KIF24: variants seen among roughly 807,000 people sequenced by gnomAD.
KIF24 encodes kinesin-like protein KIF24.
Under a neutral mutation model 118.9 loss-of-function variants are expected in KIF24, and 81 were observed. The observed-to-expected ratio is 0.68, with a 90% confidence interval of 0.57 to 0.82. KIF24 has a LOEUF of 0.82. Ranked by LOEUF, KIF24 falls within the 40% of genes least tolerant of loss-of-function variation. KIF24 has a pLI of 0.00. For missense variants in KIF24, 1,560 were observed against 1,661.6 expected (o/e 0.94, Z 1.06); for synonymous variants, 599 against 610.0 (o/e 0.98, Z 0.27).
At chr9:34,272,036 T>C (rs1053637650) in intron 6 of KIF24, 106 bp from the exon 7 acceptor site, 4 of 995,022 alleles carry the variant, frequency 4.0e-6, no homozygotes, top group Admixed American at 3.0e-5. Flanking sequence ...ATTGTGTCAG[T>C]GCACTGCAGT....
intron 8 of KIF24, 129 bp from the exon 9 acceptor site, chr9:34,263,301 C>A (rs1225441151): frequency 1.4e-6 from 1 of 707,046 alleles, no homozygotes. Flanking sequence ...AAAAGGAAGT[C>A]AAAATGGCCT....
Position 34,280,283 on chromosome 9 carries a change from C to CAAAA in KIF24, c.1215+6330_1215+6333dup, listed in dbSNP as rs56387532. On this transcript the variant is annotated intron_variant, in intron 6 of 12. Coordinates refer to ENST00000402558, the MANE Select transcript of KIF24 (RefSeq NM_194313.4). ...TGGGCGACAGGGCGAGACTCCGTCT[C>CAAAA]AAAAAAAAAAAAAAAAAAAAAAAAA... Among the ~76,000 whole-genome samples the CAAAA allele has an allele frequency of 1.7e-3, 110 of 64,452 alleles. 3 individuals carry two copies. Among genetic ancestry groups the CAAAA allele is most frequent in the African/African-American group, 6.2e-3 (76 of 12,226 alleles). 42.3% of individuals were successfully genotyped at this position (64,452 alleles called of 152,430 possible). A position where few individuals can be genotyped will look rare whatever the true frequency, so the allele number is the denominator to read the frequency against.
intron 5 of KIF24, among the ~76,000 whole-genome samples, chr9:34,288,848 C>CCACAAACACA (rs367822533): frequency 2.2e-5 from 3 of 138,902 alleles, no homozygotes; most frequent in African/African-American, 8.2e-5. Flanking sequence ...CCCAAATAAA[C>CCACAAACACA]CACACACACA....
At chr9:34,319,265 A>T in intron 1 of KIF24, 1 of 1,195,654 alleles carries the variant, frequency 8.4e-7, no homozygotes, top group South Asian at 1.2e-5. Context: ...GTAACCAAAG[A>T]GCAGCTGAAG....
chr9:34,268,819 A>G (rs1835392600), intron 8 of KIF24, among the ~76,000 whole-genome samples: 1 of 152,068 alleles, frequency 6.6e-6, no homozygotes, highest in Non-Finnish European at 1.5e-5. Context: ...GATTTTCTTT[A>G]AAATAATCCA....
intron 4 of KIF24, among the ~76,000 whole-genome samples, chr9:34,296,560 GA>G (rs1836489077): frequency 6.6e-6 from 1 of 151,582 alleles, no homozygotes; most frequent in African/African-American, 2.4e-5. Context: ...ATACATCTAT[GA>G]AAAATTGATA....
intron 7 of KIF24, among the ~76,000 whole-genome samples, chr9:34,271,325 C>CAAAAAAAA (rs58895274): frequency 2.8e-5 from 3 of 107,346 alleles, no homozygotes; most frequent in African/African-American, 4.4e-5. Context: ...AGCAATCCAG[C>CAAAAAAAA]AAAAAAAAAA....
At chr9:34,294,004 C>G (rs1192570105) in intron 4 of KIF24, among the ~76,000 whole-genome samples, 1 of 152,174 alleles carries the variant, frequency 6.6e-6, no homozygotes, top group African/African-American at 2.4e-5. Flanking sequence ...GGGTCTTGCT[C>G]TGTTGCCCAG....
At chr9:34,326,114 T>C (rs1010690991) in intron 1 of KIF24, among the ~76,000 whole-genome samples, 4 of 152,172 alleles carry the variant, frequency 2.6e-5, no homozygotes, top group African/African-American at 9.7e-5. Flanking sequence ...CCCAACACTT[T>C]AGGAGGCTGA....
At chr9:34,315,453 T>C (rs1028150314) in intron 1 of KIF24, among the ~76,000 whole-genome samples, 2 of 152,208 alleles carry the variant, frequency 1.3e-5, no homozygotes, top group Non-Finnish European at 2.9e-5. Context: ...TTATAAATAT[T>C]TGACTAGATT....
intron 6 of KIF24, among the ~76,000 whole-genome samples, chr9:34,277,997 G>A (rs111344001): frequency 3.9e-5 from 6 of 152,066 alleles, no homozygotes; most frequent in African/African-American, 4.8e-5. Context: ...AATTATGGCC[G>A]GGCACAGAGG....
rs1382602472 is a variant in KIF24, at chr9:34,262,665, A to T, written c.1515+436T>A. Among the ~76,000 whole-genome samples the T allele has an allele frequency of 2.3e-3, 95 of 41,302 alleles. 3 individuals carry two copies. The highest frequency in any genetic ancestry group is 2.9e-3 in the South Asian group (3 of 1,040). 27.1% of individuals were successfully genotyped at this position (41,302 alleles called of 152,430 possible). A position where few individuals can be genotyped will look rare whatever the true frequency, so the allele number is the denominator to read the frequency against. Reference sequence around the variant, plus strand: ...CTACCAAAAAAAAAAAAAAAAAAAAAAAAAAAAAAAATATATATATATATA... The same window carrying T: ...CTACCAAAAAAAAAAAAAAAAAAAATAAAAAAAAAAATATATATATATATA... On this transcript the variant is annotated intron_variant, in intron 9 of 12. Transcript: ENST00000402558.
Position 34,257,288 on chromosome 9 carries a change from C to A in KIF24, c.2319G>T (p.Gln773His), listed in dbSNP as rs1563933124. The A allele has an allele frequency of 6.2e-7, 1 of 1,614,048 alleles. No individual in the cohort carries two copies. Among genetic ancestry groups the A allele is most frequent in the Non-Finnish European group, 8.5e-7 (1 of 1,179,908 alleles). The change falls in exon 11 of 13, where the codon CAG becomes CAT. Residue 773 changes from glutamine to histidine, a missense_variant. Transcript: ENST00000402558. ...HLRFYHQQFQQPPLLQQKLKY... is the reference protein window; with the variant it reads ...HLRFYHQQFQHPPLLQQKLKY... ...TTAACTTCTGTTGGAGGAGAGGTGG[C>A]TGTTGGAACTGCTGGTGATAGAAAC...
In KIF24 at chr9:34,318,925, C is replaced by G. The variant is rs147645377; in HGVS notation, c.-25-7554G>C. 1.1e-4 allele frequency: 171 copies of G among 1,564,826 alleles called. 2 individuals carry two copies. The Middle Eastern group carries it at 1.7e-3, about 15-fold the overall frequency. On this transcript the variant is annotated intron_variant, in intron 1 of 12. Coordinates refer to ENST00000402558, the MANE Select transcript of KIF24 (RefSeq NM_194313.4). This position sits in a 1 kb window ranked among gnomAD's most constrained non-coding sequence, Gnocchi z 4.9. ...AGCGCAGTGCGCTGCAGTCCATCCA[C>G]GAGTGGGCCGTGCAGACCACCGACG...
intron 12 of KIF24, 134 bp downstream of exon 12, chr9:34,254,938 T>G (rs1834762180): frequency 3.1e-6 from 2 of 635,406 alleles, no homozygotes; most frequent in Non-Finnish European, 5.6e-6. Flanking sequence ...AGAGGAGGTG[T>G]GAGGCCTCAG....
At chr9:34,289,617 T>G (rs1351899585) in intron 5 of KIF24, among the ~76,000 whole-genome samples, 1 of 152,146 alleles carries the variant, frequency 6.6e-6, no homozygotes, top group African/African-American at 2.4e-5. Context: ...GCAAGAAAAA[T>G]ATAATAGGTG....
chr9:34,259,511 G>T, intron 10 of KIF24, 85 bp downstream of exon 10: 2 of 960,932 alleles, frequency 2.1e-6, no homozygotes, highest in Non-Finnish European at 3.3e-6. Flanking sequence ...ACACACACAC[G>T]CGTGCACACA....
Position 34,264,182 on chromosome 9 carries a change from G to A in KIF24, c.1444-1010C>T, listed in dbSNP as rs186470389. On this transcript the variant is annotated intron_variant, in intron 8 of 12. Coordinates refer to ENST00000402558, the MANE Select transcript of KIF24 (RefSeq NM_194313.4). The stretch of plus-strand genomic sequence containing the variant: ...CATGCCTGTAATCCCAGCACTTTGG[G>A]AGGCTGAGGCGGGCAGATTATTTGA... Among the ~76,000 whole-genome samples the A allele has an allele frequency of 1.7e-3, 263 of 152,118 alleles. 1 individual carries two copies. The highest frequency in any genetic ancestry group is 5.9e-3 in the African/African-American group (245 of 41,504).
At chr9:34,263,942 C>T (rs1005677989) in intron 8 of KIF24, among the ~76,000 whole-genome samples, 2 of 151,936 alleles carry the variant, frequency 1.3e-5, no homozygotes, top group Non-Finnish European at 2.9e-5. Context: ...ATGTTCCTTG[C>T]TCATGGCTGT....
Sources: gnomAD v4.1 joint callset for allele counts (sites outside exome capture counted in the v4.1 genomes callset) on GRCh38, gnomAD v4.1.1 for gene constraint, Gnocchi (gnomAD v3.1) non-coding constraint, MANE v1.5 for transcripts, NCBI Gene and HGNC (gene_info 2026-07-23, HGNC 2026-07-21) for gene names.